Variants in RHOT1 observed in about 807,000 individuals in gnomAD.
The protein encoded by RHOT1 is ras homolog family member T1.
Under a neutral mutation model 95.3 loss-of-function variants are expected in RHOT1, and 27 were observed. The observed-to-expected ratio is 0.28, with a 90% CI of 0.21 to 0.39. RHOT1 has a LOEUF of 0.39. RHOT1 is among the 10% of genes least tolerant of loss of function. RHOT1 has a pLI of 1.00. For missense variants in RHOT1, 578 were observed against 786.7 expected (o/e 0.73, Z 3.17); for synonymous variants, 227 against 263.5 (o/e 0.86, Z 1.34).
chr17:32,143,143 C>G (rs556617563), intron 1 of RHOT1: 6 of 520,532 alleles, frequency 1.2e-5, no homozygotes, highest in Non-Finnish European at 2.3e-5. Flanking sequence ...TCCCTTATCA[C>G]TGCCAGGCAG....
chr17:32,168,340 G>T (rs2034281896), intron 1 of RHOT1, among the ~76,000 whole-genome samples: 1 of 152,062 alleles, frequency 6.6e-6, no homozygotes, highest in Non-Finnish European at 1.5e-5. Context: ...AGATCATGGT[G>T]CTCTGTGTGG....
At chr17:32,218,539 G>A (rs1257007758) in intron 19 of RHOT1, among the ~76,000 whole-genome samples, 2 of 150,044 alleles carry the variant, frequency 1.3e-5, no homozygotes, top group Non-Finnish European at 3.0e-5. Context: ...TGGGCACAGT[G>A]TTTCACACTC....
rs1399030879 is a variant in RHOT1 at position 32,176,007 on chromosome 17, A to G, written c.268A>G (p.Ile90Val). 3 of 1,605,098 alleles carry G rather than the reference A, an allele frequency of 1.9e-6. No homozygotes were observed. Among genetic ancestry groups the G allele is most frequent in the East Asian group, 2.2e-5 (1 of 44,782 alleles). Residue 90 changes from isoleucine (I) to valine (V), a missense_variant, in exon 5 of 20, where the codon ATT (isoleucine) becomes GTT (valine). This residue lies in a region of RHOT1 where 51 missense variants were observed against 114.7 expected (regional missense o/e 0.44). Coordinates refer to ENST00000545287, the MANE Select transcript of RHOT1 (RefSeq NM_001033566.3). The stretch of plus-strand genomic sequence containing the variant: ...GTATGCCGTTAACAACAAGCATTCT[A>G]TTGATAAGGTAGGTGTGATCTTTTT... ...IVYAVNNKHSIDKVTSRWIPL... is the reference protein window; with the variant it reads ...IVYAVNNKHSVDKVTSRWIPL...
At chr17:32,149,623 A>ATGTGTG (rs1304218827) in intron 1 of RHOT1, among the ~76,000 whole-genome samples, 19 of 86,198 alleles carry the variant, frequency 2.2e-4, no homozygotes, top group African/African-American at 8.2e-4. Context: ...ATATATATAT[A>ATGTGTG]TATATATATA....
At chr17:32,192,570 G>C (rs1167255979) in intron 9 of RHOT1, among the ~76,000 whole-genome samples, 5 of 151,330 alleles carry the variant, frequency 3.3e-5, no homozygotes, top group Non-Finnish European at 7.4e-5. Flanking sequence ...TTGCTTTCTT[G>C]GTTTTGAATA....
chr17:32,190,922 A>G (rs943811426), intron 8 of RHOT1, among the ~76,000 whole-genome samples: 9 of 152,078 alleles, frequency 5.9e-5, no homozygotes, highest in African/African-American at 1.7e-4. Context: ...CAGCCTCCCA[A>G]GTACTGGGAC....
chr17:32,189,474 T>G (rs910062913), intron 8 of RHOT1, among the ~76,000 whole-genome samples: 4 of 152,132 alleles, frequency 2.6e-5, no homozygotes, highest in African/African-American at 9.7e-5. Flanking sequence ...TCCCCTCTAT[T>G]AGTTTGTTCT....
In RHOT1 at chr17:32,207,960, C is replaced by T. The variant is rs1346019758; in HGVS notation, c.1537-147C>T. 1.2e-5 allele frequency: 8 copies of T among 644,758 alleles called. No individual in the cohort carries two copies. The East Asian group carries it at 1.9e-4, about 16-fold the overall frequency. The allele number at this position is 644,758 out of a possible 1,614,324, so 39.9% of individuals were successfully genotyped here. A position where few individuals can be genotyped will look rare whatever the true frequency, so the allele number is the denominator to read the frequency against. On this transcript the variant is annotated intron_variant, in intron 17 of 19. Coordinates refer to ENST00000545287, the MANE Select transcript of RHOT1 (RefSeq NM_001033566.3). ...TTTATTATATGAGATTTACCTAGACCACTGCCAATCTTTGCCTTTTGGTTC... is the reference window on the plus strand; with the variant it reads ...TTTATTATATGAGATTTACCTAGACTACTGCCAATCTTTGCCTTTTGGTTC...
At chr17:32,144,084 G>A (rs1406278949) in intron 1 of RHOT1, among the ~76,000 whole-genome samples, 1 of 152,184 alleles carries the variant, frequency 6.6e-6, no homozygotes, top group Non-Finnish European at 1.5e-5. Context: ...CCTTGACAAG[G>A]TTCAGGAAGG....
rs1477622540 is a variant in RHOT1 at position 32,171,068 on chromosome 17, T to C, written c.63T>C (p.Ile21=). The change falls in exon 2 of 20, where the codon ATT becomes ATC. Residue 21 remains isoleucine, a synonymous_variant. Coordinates refer to ENST00000545287, the MANE Select transcript of RHOT1 (RefSeq NM_001033566.3). Reference sequence around the variant, plus strand: ...CTAGAGTTGGGAAGACATCACTGATTATGTCTCTGGTCAGTGAAGAATTTC... The same window carrying C: ...CTAGAGTTGGGAAGACATCACTGATCATGTCTCTGGTCAGTGAAGAATTTC... ...GEPRVGKTSL[I]MSLVSEEFPE... is the part of the protein sequence containing the mutation. The C allele has an allele frequency of 1.4e-5, 23 of 1,607,022 alleles. No individual in the cohort carries two copies. The highest frequency in any genetic ancestry group is 1.9e-5 in the Non-Finnish European group (22 of 1,176,016).
At chr17:32,183,321 G>A in intron 8 of RHOT1, 49 bp downstream of exon 8, 1 of 1,050,738 alleles carries the variant, frequency 9.5e-7, no homozygotes, top group Non-Finnish European at 1.3e-6. Context: ...AGTAACTCTA[G>A]TATGGTAGTG....
chr17:32,152,178 G>T (rs1247677505), intron 1 of RHOT1, among the ~76,000 whole-genome samples: 1 of 152,212 alleles, frequency 6.6e-6, no homozygotes, highest in Non-Finnish European at 1.5e-5. Flanking sequence ...CGTGAGTAAA[G>T]CTACTTGATT....
intron 6 of RHOT1, among the ~76,000 whole-genome samples, chr17:32,177,498 G>A (rs1482819427): frequency 2.6e-5 from 4 of 152,158 alleles, no homozygotes; most frequent in African/African-American, 7.2e-5. Flanking sequence ...GCTCACGCCT[G>A]TAATCCCAGC....
Position 32,199,523 on chromosome 17 carries a change from C to G in RHOT1, c.1073C>G (p.Thr358Ser). 1 of 1,610,956 alleles carries G rather than the reference C, an allele frequency of 6.2e-7. No individual in the cohort carries two copies. The change falls in exon 13 of 20, where the codon ACC becomes AGC. Residue 358 changes from threonine to serine, a missense_variant. Physicochemically the swap from Thr to Ser is moderately conservative, Grantham distance 58 (BLOSUM62 1). This residue lies in a region of RHOT1 where 227 missense variants were observed against 316.0 expected (regional missense o/e 0.72). Coordinates refer to ENST00000545287, the MANE Select transcript of RHOT1 (RefSeq NM_001033566.3). ...TGTACCAATGAAAGAGGCTGGATAA[C>G]CTACCAGGGATTCCTTTCCCAGTGG... Reference protein sequence around the residue: ...TVCTNERGWITYQGFLSQWTL... With the variant: ...TVCTNERGWISYQGFLSQWTL...
chr17:32,154,267 C>G (rs2142393465), intron 1 of RHOT1, among the ~76,000 whole-genome samples: 1 of 147,432 alleles, frequency 6.8e-6, no homozygotes, highest in East Asian at 2.0e-4. Flanking sequence ...ATAGGGAGAC[C>G]CCGTCTCTAC....
chr17:32,205,448 G>A (rs2037645035), intron 16 of RHOT1, among the ~76,000 whole-genome samples: 1 of 152,264 alleles, frequency 6.6e-6, no homozygotes, highest in South Asian at 2.1e-4. Context: ...GTGCTTGGTA[G>A]TTTATCTGTA....
chr17:32,206,850 A>G, intron 16 of RHOT1, 60 bp from the exon 17 acceptor site: 1 of 1,204,484 alleles, frequency 8.3e-7, no homozygotes, highest in Non-Finnish European at 1.2e-6. Context: ...ATAAGCTATC[A>G]TGACTTAATA....
At chr17:32,159,166 GGTTT>G (rs2033284418) in intron 1 of RHOT1, 1 of 152,764 alleles carries the variant, frequency 6.5e-6, no homozygotes, top group African/African-American at 2.4e-5. Flanking sequence ...AAGATCATCG[GGTTT>G]GTTTGTGCGG....
chr17:32,216,925 C>G (rs1274097662), intron 19 of RHOT1, among the ~76,000 whole-genome samples: 6 of 152,072 alleles, frequency 3.9e-5, no homozygotes, highest in African/African-American at 1.4e-4. Context: ...TATGAAGGTC[C>G]TTATAAGACT....
Sources: gnomAD v4.1 joint callset for allele counts (sites outside exome capture counted in the v4.1 genomes callset) on GRCh38, gnomAD v4.1.1 for gene constraint, gnomAD v4.1.1 regional missense constraint, MANE v1.5 for transcripts, NCBI Gene and HGNC (gene_info 2026-07-23, HGNC 2026-07-21) for gene names.